GARNL3: variants seen among roughly 807,000 people sequenced by gnomAD.
The protein encoded by GARNL3 is GTPase-activating Rap/Ran-GAP domain-like protein 3.
A neutral mutation model predicts 125.0 loss-of-function variants in GARNL3; 63 were observed. That is an observed-to-expected ratio of 0.50 (90% CI 0.41 to 0.62). GARNL3 has a LOEUF of 0.62. GARNL3 is among the 20% of genes least tolerant of loss of function. GARNL3 has a pLI of 0.00. For synonymous variants in GARNL3, 439 were observed against 457.5 expected, an observed-to-expected ratio of 0.96 and a Z score of 0.52; for missense variants, 994 against 1,244.0, an observed-to-expected ratio of 0.80 and a Z score of 3.02.
chr9:127,258,098 T>G (rs1487334845), intron 2 of GARNL3, among the ~76,000 whole-genome samples: 1 of 151,828 alleles, frequency 6.6e-6, no homozygotes, highest in African/African-American at 2.4e-5. Context: ...AATCCAGGAG[T>G]ATCTAACCAC....
At position 127,291,726 on chromosome 9, in the gene GARNL3, C is replaced by CT. The variant is rs142800268; in HGVS notation, c.219+508dup. Among the ~76,000 whole-genome samples, 330 of 59,264 alleles carry CT rather than the reference C, an allele frequency of 5.6e-3. 10 individuals carry two copies. Among genetic ancestry groups the CT allele is most frequent in the African/African-American group, 0.017 (243 of 14,366 alleles). 38.9% of individuals were successfully genotyped at this position (59,264 alleles called of 152,430 possible). A position where few individuals can be genotyped will look rare whatever the true frequency, so the allele number is the denominator to read the frequency against. Reference sequence around the variant, plus strand: ...CTGCAGGCCACAGGGACTCACCTTGCTTTTTTTTTTTTTTTTTTTTTTTTG... The same window carrying CT: ...CTGCAGGCCACAGGGACTCACCTTGCTTTTTTTTTTTTTTTTTTTTTTTTTG... On this transcript the variant is annotated intron_variant, in intron 2 of 27. Transcript: ENST00000373387.
chr9:127,326,400 ATGAT>A (rs924905137), intron 7 of GARNL3, among the ~76,000 whole-genome samples: 15 of 152,160 alleles, frequency 9.9e-5, no homozygotes, highest in Admixed American at 6.6e-5. Flanking sequence ...TGATTGATTG[ATGAT>A]TGATTGATTG....
At chr9:127,281,529 A>G (rs1399258176) in intron 1 of GARNL3, among the ~76,000 whole-genome samples, 2 of 152,130 alleles carry the variant, frequency 1.3e-5, no homozygotes, top group East Asian at 3.9e-4. Flanking sequence ...CCAGCTGCCC[A>G]GTCACCCGGA....
At chr9:127,311,901 C>G (rs564707604) in intron 3 of GARNL3, among the ~76,000 whole-genome samples, 166 bp downstream of exon 3, 2 of 152,256 alleles carry the variant, frequency 1.3e-5, no homozygotes, top group South Asian at 4.1e-4. Context: ...CTAAAAGATT[C>G]AGAGTCTCAG....
chr9:127,316,621 A>G (rs769037792), intron 4 of GARNL3, among the ~76,000 whole-genome samples: 37 of 152,154 alleles, frequency 2.4e-4, no homozygotes, highest in Non-Finnish European at 4.9e-4. Flanking sequence ...AAAAAATTTA[A>G]TCTCTGTAGC....
At chr9:127,233,708 G>A (rs1400554650) in intron 1 of GARNL3, among the ~76,000 whole-genome samples, 8 of 152,190 alleles carry the variant, frequency 5.3e-5, no homozygotes, top group African/African-American at 1.4e-4. Context: ...TGTGCATGGT[G>A]GTTTCCTTAT....
chr9:127,227,600 C>CAA (rs57134477), intron 1 of GARNL3, among the ~76,000 whole-genome samples: 11 of 148,684 alleles, frequency 7.4e-5, no homozygotes, highest in African/African-American at 2.2e-4. Context: ...GACTCCGTCT[C>CAA]AAAAAAAACA....
intron 16 of GARNL3, among the ~76,000 whole-genome samples, chr9:127,347,103 A>G (rs1830179999): frequency 6.6e-6 from 1 of 152,262 alleles, no homozygotes; most frequent in Middle Eastern, 3.4e-3. Flanking sequence ...GTGTAAAGCA[A>G]TGGACACCCT....
chr9:127,259,766 G>A (rs908122895), upstream of GARNL3, among the ~76,000 whole-genome samples: 4 of 152,106 alleles, frequency 2.6e-5, no homozygotes, highest in Admixed American at 2.0e-4. Flanking sequence ...GCTGGATGTG[G>A]TGGCTCATAC....
At chr9:127,361,295 C>G (rs919489445) in intron 21 of GARNL3, among the ~76,000 whole-genome samples, 2 of 149,424 alleles carry the variant, frequency 1.3e-5, no homozygotes, top group Admixed American at 6.7e-5. Context: ...GAGAGAGAGA[C>G]AGGGTCTAGC....
At chr9:127,226,871 G>A (rs1036598359) in intron 1 of GARNL3, among the ~76,000 whole-genome samples, 3 of 152,182 alleles carry the variant, frequency 2.0e-5, no homozygotes, top group African/African-American at 4.8e-5. Context: ...AAGGGATGAG[G>A]CTGAAGAGAC....
At chr9:127,251,780 A>C in intron 2 of GARNL3, among the ~76,000 whole-genome samples, 1 of 152,212 alleles carries the variant, frequency 6.6e-6, no homozygotes, top group South Asian at 2.1e-4. Context: ...CTTTGGCAAA[A>C]GGATTATTTT....
At chr9:127,381,836 A>G (rs1832279059) in intron 22 of GARNL3, among the ~76,000 whole-genome samples, 1 of 150,834 alleles carries the variant, frequency 6.6e-6, no homozygotes, top group Non-Finnish European at 1.5e-5. Flanking sequence ...CGATCTCCTG[A>G]CCTTGTGATC....
intron 26 of GARNL3, among the ~76,000 whole-genome samples, chr9:127,389,588 G>A (rs962638892): frequency 1.3e-5 from 2 of 152,122 alleles, no homozygotes; most frequent in African/African-American, 4.8e-5. Flanking sequence ...GGGCAGGTCT[G>A]TGGATAGAAC....
rs193024593 is a variant in GARNL3 at position 127,290,310 on chromosome 9, G to A, written c.145-858G>A. Among the ~76,000 whole-genome samples, 315 of 151,950 alleles carry A rather than the reference G, an allele frequency of 2.1e-3. 1 individual carries two copies. Among genetic ancestry groups the A allele is most frequent in the East Asian group, 9.3e-3 (48 of 5,168 alleles). On this transcript the variant is annotated intron_variant, in intron 1 of 27. Coordinates refer to ENST00000373387, the MANE Select transcript of GARNL3 (RefSeq NM_032293.5). ...TTTTTCTATTAATTTTTATACCATC[G>A]TATCTCTTAAGCACTAGTGAAAACG...
chr9:127,322,149 A>G (rs755151151), intron 6 of GARNL3, among the ~76,000 whole-genome samples: 1 of 152,214 alleles, frequency 6.6e-6, no homozygotes, highest in Non-Finnish European at 1.5e-5. Flanking sequence ...AGCAAATTTT[A>G]AAACAAACTA....
intron 10 of GARNL3, 22 bp downstream of exon 10, chr9:127,335,355 A>G: frequency 6.6e-7 from 1 of 1,511,694 alleles, no homozygotes; most frequent in Non-Finnish European, 9.2e-7. Context: ...CATACAAACC[A>G]TCAAATAGTG....
At chr9:127,264,078 A>G, upstream of GARNL3, 1 of 895,440 alleles carries the variant, frequency 1.1e-6, no homozygotes, top group Non-Finnish European at 1.7e-6. Flanking sequence ...ATATAATTTT[A>G]TTTTCTATGT....
At chr9:127,345,030 G>C (rs1270683449) in intron 15 of GARNL3, among the ~76,000 whole-genome samples, 1 of 152,194 alleles carries the variant, frequency 6.6e-6, no homozygotes, top group African/African-American at 2.4e-5. Flanking sequence ...GGGAAGCTTA[G>C]TTACAAGGTT....
Sources: allele counts gnomAD v4.1 joint callset (sites outside exome capture counted in the v4.1 genomes callset), GRCh38; gene constraint gnomAD v4.1.1; transcripts MANE v1.5; gene names NCBI Gene and HGNC (gene_info 2026-07-23, HGNC 2026-07-21).